Variants in HSD17B4 observed in about 807,000 individuals in gnomAD.
HSD17B4 encodes the protein peroxisomal multifunctional enzyme type 2.
Under a neutral mutation model 101.0 loss-of-function variants are expected in HSD17B4, and 70 were observed. The observed-to-expected ratio is 0.69, with a 90% CI of 0.57 to 0.85. The LOEUF is 0.85. Among genes scored for constraint, HSD17B4 ranks in the 40% least tolerant of loss-of-function variants. The pLI is 0.00. For missense variants in HSD17B4, 984 were observed against 892.4 expected (o/e 1.10, Z -1.31); for synonymous variants, 347 against 297.1 (o/e 1.17, Z -1.73).
intron 17 of HSD17B4, among the ~76,000 whole-genome samples, chr5:119,522,090 C>T (rs1753167822): frequency 6.6e-6 from 1 of 152,054 alleles, no homozygotes; most frequent in Non-Finnish European, 1.5e-5. Context: ...TCCCTCCTCC[C>T]CCACCCCACA....
intron 15 of HSD17B4, among the ~76,000 whole-genome samples, chr5:119,507,783 C>A (rs747317850): frequency 0.04 from 4,638 of 116,522 alleles, 133 homozygotes; most frequent in African/African-American, 0.088. Context: ...GACTCTGTAC[C>A]AAAAAAAAAA....
chr5:119,504,840 A>T (rs1005744813), intron 14 of HSD17B4, among the ~76,000 whole-genome samples: 1 of 152,172 alleles, frequency 6.6e-6, no homozygotes, highest in Non-Finnish European at 1.5e-5. Flanking sequence ...GATGTCCAGG[A>T]TGGTATTTCC....
intron 16 of HSD17B4, among the ~76,000 whole-genome samples, chr5:119,509,835 C>T (rs577274101): frequency 9.2e-5 from 14 of 152,284 alleles, no homozygotes; most frequent in South Asian, 6.2e-4. Context: ...GTGTAGAAAA[C>T]GTTTCCTAGC....
At chr5:119,454,502 C>T (rs537585528) in intron 1 of HSD17B4, among the ~76,000 whole-genome samples, 14 of 152,064 alleles carry the variant, frequency 9.2e-5, no homozygotes, top group Non-Finnish European at 1.5e-4. Flanking sequence ...GATGGAGTCT[C>T]GCTTTGTTGC....
Position 119,509,256 on chromosome 5 carries a change from C to G in HSD17B4, c.1437+12C>G. 6.9e-7 allele frequency: 1 copy of G among 1,446,216 alleles called. No individual in the cohort carries two copies. Among genetic ancestry groups the G allele is most frequent in the Non-Finnish European group, 9.7e-7 (1 of 1,026,992 alleles). 89.6% of individuals were successfully genotyped at this position (1,446,216 alleles called of 1,614,324 possible). ...CAGACAAAGTCAAGGTAAGCCATGA[C>G]TTTGTAAGCAAAATATATGTGTAGT... On this transcript the variant is annotated intron_variant, in intron 16 of 23. Coordinates refer to ENST00000510025, the MANE Select transcript of HSD17B4 (RefSeq NM_000414.4).
rs185228512 is a variant in HSD17B4, at chr5:119,509,890, A to G, written c.1437+646A>G. ...CAGAATATAATAACACAAAATATGT[A>G]TCAATTGATGGTTTATGTTATTGGT... is the stretch of plus-strand genomic sequence containing the variant. On this transcript the variant is annotated intron_variant, in intron 16 of 23. Transcript: ENST00000510025. Among the ~76,000 whole-genome samples the G allele has an allele frequency of 2.8e-3, 422 of 152,352 alleles. 7 individuals are homozygous for G. In the South Asian group the frequency reaches 0.049, roughly 18 times the overall value.
intron 2 of HSD17B4, among the ~76,000 whole-genome samples, chr5:119,459,750 G>A (rs1344613062): frequency 6.6e-6 from 1 of 151,992 alleles, no homozygotes; most frequent in Non-Finnish European, 1.5e-5. Context: ...AAAGCCACTA[G>A]TCTCACTCCC....
intron 2 of HSD17B4, among the ~76,000 whole-genome samples, chr5:119,464,216 C>T (rs1278434711): frequency 2.6e-5 from 4 of 151,920 alleles, no homozygotes; most frequent in African/African-American, 9.7e-5. Flanking sequence ...TTTATTTTTG[C>T]TTTTGTTGCC....
rs141606543 is a variant in HSD17B4 at position 119,499,500 on chromosome 5, A to G, written c.1156A>G (p.Met386Val). The G allele has an allele frequency of 2.3e-5, 37 of 1,613,868 alleles. No individual in the cohort carries two copies. In the African/African-American group the frequency reaches 3.6e-4, roughly 16 times the overall value. The change falls in exon 13 of 24, where the codon ATG becomes GTG. Residue 386 changes from methionine to valine, a missense_variant. Coordinates refer to ENST00000510025, the MANE Select transcript of HSD17B4 (RefSeq NM_000414.4). ...TFGVIIGQKS[M>V]MGGGLAEIPG... Reference sequence around the variant, plus strand: ...CGGAGTTATCATAGGTCAGAAATCTATGATGGGTGGAGGATTAGCAGAAAT... The same window carrying G: ...CGGAGTTATCATAGGTCAGAAATCTGTGATGGGTGGAGGATTAGCAGAAAT...
chr5:119,492,924 T>G (rs1750246412), intron 10 of HSD17B4: 1 of 152,162 alleles, frequency 6.6e-6, no homozygotes, highest in African/African-American at 2.4e-5. Flanking sequence ...GTTAAAAGGT[T>G]GCTATCTCTG....
chr5:119,466,711 TTTTG>T (rs1755846333), intron 2 of HSD17B4, among the ~76,000 whole-genome samples: 1 of 152,088 alleles, frequency 6.6e-6, no homozygotes, highest in South Asian at 2.1e-4. Context: ...GAATTGTCAG[TTTTG>T]TTTATCTTTT....
At chr5:119,511,177 G>T (rs1388101461) in intron 16 of HSD17B4, among the ~76,000 whole-genome samples, 3 of 152,208 alleles carry the variant, frequency 2.0e-5, no homozygotes, top group South Asian at 2.1e-4. Context: ...GGAGAGGAAG[G>T]CTGTAATAAC....
intron 9 of HSD17B4, among the ~76,000 whole-genome samples, chr5:119,491,702 T>C (rs191715467): frequency 1.1e-4 from 17 of 152,306 alleles, no homozygotes; most frequent in Non-Finnish European, 2.4e-4. Context: ...TCTCATGATA[T>C]GCTAGGCAGT....
chr5:119,502,738 G>C (rs1370943958), intron 14 of HSD17B4, among the ~76,000 whole-genome samples: 1 of 152,062 alleles, frequency 6.6e-6, no homozygotes, highest in African/African-American at 2.4e-5. Context: ...CAATGTAGAG[G>C]TCGGCAAGTA....
chr5:119,517,214 T>A (rs1307096974), intron 17 of HSD17B4, among the ~76,000 whole-genome samples: 5 of 152,188 alleles, frequency 3.3e-5, no homozygotes, highest in Non-Finnish European at 5.9e-5. Context: ...TGGCCGGCCC[T>A]GCTGGCCCCG....
At chr5:119,510,148 T>G (rs1752041180) in intron 16 of HSD17B4, among the ~76,000 whole-genome samples, 1 of 152,218 alleles carries the variant, frequency 6.6e-6, no homozygotes, top group Admixed American at 6.5e-5. Flanking sequence ...TGTTTATATA[T>G]TCTCTGTACA....
intron 8 of HSD17B4, 129 bp downstream of exon 8, chr5:119,479,150 G>C: frequency 1.4e-6 from 1 of 709,432 alleles, no homozygotes; most frequent in Non-Finnish European, 2.3e-6. Context: ...AGCATTATCT[G>C]TAAATTGTGT....
chr5:119,540,936 A>G (rs1420176972), intron 23 of HSD17B4, among the ~76,000 whole-genome samples: 1 of 152,176 alleles, frequency 6.6e-6, no homozygotes, highest in Non-Finnish European at 1.5e-5. Flanking sequence ...TCAAATTGAC[A>G]GCTGTAATTC....
At chr5:119,496,335 G>A (rs1348931929) in intron 11 of HSD17B4, among the ~76,000 whole-genome samples, 2 of 152,286 alleles carry the variant, frequency 1.3e-5, no homozygotes, top group Non-Finnish European at 2.9e-5. Context: ...GTATTTCATT[G>A]AAGATGTCCA....
Sources: gnomAD v4.1 joint callset for allele counts (sites outside exome capture counted in the v4.1 genomes callset) on GRCh38, gnomAD v4.1.1 for gene constraint, MANE v1.5 for transcripts, NCBI Gene and HGNC (gene_info 2026-07-23, HGNC 2026-07-21) for gene names.